Variants in FYTTD1 observed in about 807,000 individuals in gnomAD.
The protein encoded by FYTTD1 is forty-two-three domain containing 1, also known as UAP56-interacting factor.
A neutral mutation model predicts 40.9 loss-of-function variants in FYTTD1; 22 were observed. That is an observed-to-expected ratio of 0.54 (90% CI 0.38 to 0.77). FYTTD1 has a LOEUF of 0.77. FYTTD1 is among the 30% of genes least tolerant of loss of function. The pLI, the probability that FYTTD1 is intolerant of heterozygous loss-of-function variation, is 0.00. For synonymous variants in FYTTD1, 140 were observed against 137.9 expected, an observed-to-expected ratio of 1.01 and a Z score of -0.10; for missense variants, 351 against 392.2, an observed-to-expected ratio of 0.90 and a Z score of 0.89.
intron 2 of FYTTD1, among the ~76,000 whole-genome samples, chr3:197,764,673 C>T (rs192407503): frequency 5.9e-5 from 8 of 136,308 alleles, no homozygotes; most frequent in Non-Finnish European, 1.1e-4. Context: ...CGCGCCGCTA[C>T]ACTCCAGCCC....
chr3:197,749,733 G>A (rs1469798568), upstream of FYTTD1: 10 of 614,440 alleles, frequency 1.6e-5, no homozygotes, highest in Non-Finnish European at 3.0e-5. Flanking sequence ...CTAGCACAGC[G>A]GCTGCAATGC....
Position 197,777,020 on chromosome 3 carries a change from T to C in FYTTD1, c.731+19T>C, listed in dbSNP as rs766847862. ...GCCCAGTGTAAGTTGTTTCTTTCTT[T>C]TTGCAAAAATTATAACCTCTCATTA... On this transcript the variant is annotated intron_variant, in intron 7 of 8. Transcript: ENST00000241502. The C allele has an allele frequency of 6.8e-7, 1 of 1,480,038 alleles. No homozygotes were observed. Among genetic ancestry groups the C allele is most frequent in the Admixed American group, 1.8e-5 (1 of 56,170 alleles). The allele number at this position is 1,480,038 out of a possible 1,614,324, so 91.7% of individuals were successfully genotyped here. A position where few individuals can be genotyped will look rare whatever the true frequency, so the allele number is the denominator to read the frequency against.
Position 197,773,472 on chromosome 3 carries a change from A to G in FYTTD1, c.567A>G (p.Ala189=). ...ATCATCAGAAAGATACTCGTCAGGC[A>G]ACTTTTCTTTTCAGAAGAGGCCTGA... is the stretch of plus-strand genomic sequence containing the variant. ...KLNHQKDTRQ[A]TFLFRRGLKV... The change falls in exon 5 of 9, where the codon GCA becomes GCG. Residue 189 remains alanine (A), a synonymous_variant. Coordinates refer to ENST00000241502, the MANE Select transcript of FYTTD1 (RefSeq NM_032288.7). The G allele has an allele frequency of 6.3e-7, 1 of 1,598,062 alleles. No homozygotes were observed.
intron 8 of FYTTD1, among the ~76,000 whole-genome samples, chr3:197,781,185 G>A (rs1256522084): frequency 6.6e-6 from 1 of 151,782 alleles, no homozygotes; most frequent in Non-Finnish European, 1.5e-5. Context: ...GTGGTAGCAC[G>A]TGCCTGTAAT....
rs1730158926 is a variant in FYTTD1 at position 197,786,505 on chromosome 3, T to A, written c.*4596T>A. 6.6e-6 allele frequency: 1 copy of A among 152,178 alleles called. No homozygotes were observed. The highest frequency in any genetic ancestry group is 1.5e-5 in the Non-Finnish European group (1 of 68,028). The allele number at this position is 152,178 out of a possible 1,614,324, so 9.4% of individuals were successfully genotyped here. On this transcript the variant is annotated 3_prime_UTR_variant, in exon 9 of 9. Coordinates refer to ENST00000241502, the MANE Select transcript of FYTTD1 (RefSeq NM_032288.7). ...TGGGACTGAAATGTCGTCTTATGAG[T>A]GTATTCAGATGAGGTATACCAGTGT...
intron 8 of FYTTD1, among the ~76,000 whole-genome samples, 186 bp downstream of exon 8, chr3:197,778,650 A>G (rs1729941731): frequency 6.6e-6 from 1 of 152,220 alleles, no homozygotes; most frequent in African/African-American, 2.4e-5. Context: ...CTCATACGGT[A>G]TACATTTGTG....
chr3:197,760,595 C>G (rs1284506195), intron 2 of FYTTD1, among the ~76,000 whole-genome samples: 1 of 151,376 alleles, frequency 6.6e-6, no homozygotes, highest in Non-Finnish European at 1.5e-5. Flanking sequence ...TAGGGTTGTT[C>G]TTCTGTGGTA....
Position 197,782,867 on chromosome 3 carries a change from C to T in FYTTD1, c.*958C>T, listed in dbSNP as rs529980188. The T allele has an allele frequency of 6.6e-6, 1 of 152,606 alleles. No homozygotes were observed. The highest frequency in any genetic ancestry group is 2.4e-5 in the African/African-American group (1 of 41,556). The allele number at this position is 152,606 out of a possible 1,614,324, so 9.5% of individuals were successfully genotyped here. A position where few individuals can be genotyped will look rare whatever the true frequency, so the allele number is the denominator to read the frequency against. On this transcript the variant is annotated 3_prime_UTR_variant, in exon 9 of 9. Transcript: ENST00000241502. ...AAATTAATAGCCATAAAGTCCTAGA[C>T]TTCTTATTTGAAGTTAAAATTTCTT... is the stretch of plus-strand genomic sequence containing the variant.
chr3:197,772,903 C>CT (rs1318211061), intron 4 of FYTTD1, among the ~76,000 whole-genome samples: 1 of 152,212 alleles, frequency 6.6e-6, no homozygotes, highest in Non-Finnish European at 1.5e-5. Context: ...GCCATAATGC[C>CT]TGGCCTCTAT....
At chr3:197,773,807 AC>A (rs1729787362) in intron 5 of FYTTD1, among the ~76,000 whole-genome samples, 1 of 150,540 alleles carries the variant, frequency 6.6e-6, no homozygotes, top group South Asian at 2.1e-4. Context: ...TGCTGCACTC[AC>A]GCACACACCC....
chr3:197,768,352 C>T, intron 2 of FYTTD1, 87 bp from the exon 3 acceptor site: 2 of 898,694 alleles, frequency 2.2e-6, no homozygotes, highest in Non-Finnish European at 3.3e-6. Context: ...TTCATAAGTT[C>T]CCCCTTCCTT....
chr3:197,760,942 T>G (rs182329770), intron 2 of FYTTD1, among the ~76,000 whole-genome samples: 4 of 146,416 alleles, frequency 2.7e-5, no homozygotes, highest in Non-Finnish European at 5.9e-5. Context: ...AGTGGTAGAA[T>G]GTATAGAGTG....
At chr3:197,755,251 G>C (rs1729178855) in intron 1 of FYTTD1, among the ~76,000 whole-genome samples, 2 of 152,232 alleles carry the variant, frequency 1.3e-5, no homozygotes, top group African/African-American at 4.8e-5. Context: ...TTGCATGTCT[G>C]TTTCCATCAG....
chr3:197,766,979 T>C (rs1344444022), intron 2 of FYTTD1, among the ~76,000 whole-genome samples: 2 of 152,228 alleles, frequency 1.3e-5, no homozygotes, highest in African/African-American at 4.8e-5. Context: ...TGGTCATCTC[T>C]AGGTGGTAGG....
chr3:197,780,704 G>A (rs1002785442), intron 8 of FYTTD1, among the ~76,000 whole-genome samples: 1 of 151,626 alleles, frequency 6.6e-6, no homozygotes, highest in Admixed American at 6.6e-5. Context: ...CACCACACCC[G>A]GCTAATTTTA....
intron 4 of FYTTD1, among the ~76,000 whole-genome samples, chr3:197,770,451 A>G (rs748996288): frequency 5.9e-5 from 9 of 152,246 alleles, no homozygotes; most frequent in Non-Finnish European, 1.5e-5. Context: ...GTTAACCGAT[A>G]TAAGCTTTTT....
At chr3:197,776,368 C>T (rs1729874050) in intron 6 of FYTTD1, among the ~76,000 whole-genome samples, 1 of 150,420 alleles carries the variant, frequency 6.6e-6, no homozygotes, top group Admixed American at 6.6e-5. Context: ...CCACACCCCA[C>T]GCCCAGCTTA....
intron 8 of FYTTD1, among the ~76,000 whole-genome samples, chr3:197,781,435 C>T (rs770052060): frequency 1.0e-4 from 15 of 150,506 alleles, no homozygotes; most frequent in Non-Finnish European, 1.9e-4. Context: ...AACAGATTTT[C>T]ATTTGAATTT....
At position 197,785,284 on chromosome 3, in the gene FYTTD1, C is replaced by T. The variant is rs1318760800; in HGVS notation, c.*3375C>T. 1.3e-5 allele frequency: 2 copies of T among 152,298 alleles called. No homozygotes were observed. The highest frequency in any genetic ancestry group is 1.5e-5 in the Non-Finnish European group (1 of 68,032). The allele number at this position is 152,298 out of a possible 1,614,324, so 9.4% of individuals were successfully genotyped here. ...TCCAGGACCCTTGTATATACCCAAC[C>T]CTGCGCAATACTGAAGTCCCACATC... On this transcript the variant is annotated 3_prime_UTR_variant, in exon 9 of 9. Transcript: ENST00000241502.
Sources: allele counts gnomAD v4.1 joint callset (sites outside exome capture counted in the v4.1 genomes callset), GRCh38; gene constraint gnomAD v4.1.1; transcripts MANE v1.5; gene names NCBI Gene and HGNC (gene_info 2026-07-23, HGNC 2026-07-21).